NPAS3: variants seen among roughly 807,000 people sequenced by gnomAD.
The protein encoded by NPAS3 is neuronal PAS domain protein 3.
Under a neutral mutation model 73.1 loss-of-function variants are expected in NPAS3, and 14 were observed. That is an observed-to-expected ratio of 0.19 (90% CI 0.13 to 0.30). The LOEUF (loss-of-function observed/expected upper bound fraction) is 0.30. Among genes scored for constraint, NPAS3 ranks in the 10% least tolerant of loss-of-function variants. NPAS3 has a pLI of 1.00. For synonymous variants in NPAS3, 620 were observed against 541.5 expected (o/e 1.14, Z -2.01); for missense variants, 1,096 against 1,250.0 (o/e 0.88, Z 1.86).
intron 9 of NPAS3, among the ~76,000 whole-genome samples, chr14:33,790,206 C>A (rs2063316523): frequency 6.6e-6 from 1 of 152,220 alleles, no homozygotes; most frequent in South Asian, 2.1e-4. Context: ...GGACAATTAA[C>A]TCTTTTTAAG....
chr14:33,197,237 C>CTGGGTGTGTG (rs2046391095), intron 2 of NPAS3, among the ~76,000 whole-genome samples: 1 of 135,214 alleles, frequency 7.4e-6, no homozygotes, highest in Non-Finnish European at 1.6e-5. Context: ...CTCCAGCAGG[C>CTGGGTGTGTG]TGTGTGTGTG....
At chr14:33,651,845 A>G (rs1453038001) in intron 5 of NPAS3, among the ~76,000 whole-genome samples, 34 of 152,158 alleles carry the variant, frequency 2.2e-4, no homozygotes, top group Admixed American at 2.2e-3. Context: ...TTTCCTAGAA[A>G]TAACATTTCT....
At chr14:33,098,047 T>A (rs181673563) in intron 2 of NPAS3, among the ~76,000 whole-genome samples, 90 of 152,330 alleles carry the variant, frequency 5.9e-4, no homozygotes, top group African/African-American at 2.1e-3. Flanking sequence ...TAGAAATTTG[T>A]GTCCTATTTA....
At position 33,618,612 on chromosome 14, in the gene NPAS3, G is replaced by A. The variant is rs368563337; in HGVS notation, c.559-57599G>A. 9.8e-5 allele frequency among the ~76,000 whole-genome samples: 15 copies of A among 152,290 alleles called. No individual in the cohort carries two copies. In the East Asian group the frequency reaches 1.7e-3, roughly 18 times the overall value. On this transcript the variant is annotated intron_variant, in intron 5 of 11. Coordinates refer to ENST00000356141, the Ensembl canonical transcript of NPAS3. ...CTGCTCACTTCCTGCTGTGTGGTCC[G>A]ATTCCTAACAGGCCACGGTTGGTAC...
At chr14:33,170,398 G>A (rs766059273) in intron 2 of NPAS3, among the ~76,000 whole-genome samples, 14 of 152,170 alleles carry the variant, frequency 9.2e-5, no homozygotes, top group African/African-American at 2.4e-5. Flanking sequence ...CTTCATGTTG[G>A]TGGCTGCTGG....
At chr14:33,691,804 C>T (rs2060243244) in intron 6 of NPAS3, among the ~76,000 whole-genome samples, 1 of 152,158 alleles carries the variant, frequency 6.6e-6, no homozygotes, top group Non-Finnish European at 1.5e-5. Context: ...TTGAATGCTT[C>T]CCTCAACCCC....
At chr14:33,468,346 G>T (rs891096442) in intron 4 of NPAS3, among the ~76,000 whole-genome samples, 2 of 152,324 alleles carry the variant, frequency 1.3e-5, no homozygotes, top group South Asian at 4.1e-4. Flanking sequence ...TAGAAAATAT[G>T]AAGGCCAAGC....
chr14:33,078,932 A>G (rs941909537), intron 2 of NPAS3, among the ~76,000 whole-genome samples: 3 of 152,270 alleles, frequency 2.0e-5, no homozygotes, highest in African/African-American at 7.2e-5. Context: ...ATATCAGAAA[A>G]TAATTGAGAA....
chr14:33,680,575 T>G (rs1198981546), intron 6 of NPAS3: 1 of 702,492 alleles, frequency 1.4e-6, no homozygotes, highest in Admixed American at 2.0e-5. Flanking sequence ...CATGTTTCTC[T>G]AAGATAAAAT....
chr14:33,775,670 G>A (rs1262462592), intron 8 of NPAS3, among the ~76,000 whole-genome samples: 1 of 152,140 alleles, frequency 6.6e-6, no homozygotes, highest in African/African-American at 2.4e-5. Flanking sequence ...ACCTGTTGCT[G>A]TTATTTGATA....
chr14:33,215,029 ATTTTC>A (rs2047168735), intron 2 of NPAS3, 148 bp from the exon 3 acceptor site: 2 of 754,638 alleles, frequency 2.7e-6, no homozygotes, highest in Non-Finnish European at 4.3e-6. Flanking sequence ...TTTAGTGGAC[ATTTTC>A]TGGAACTCAT....
chr14:33,162,259 A>C (rs906798308), intron 2 of NPAS3, among the ~76,000 whole-genome samples: 1 of 152,206 alleles, frequency 6.6e-6, no homozygotes, highest in African/African-American at 2.4e-5. Flanking sequence ...ATGCATCCAT[A>C]TCTACATTCA....
At chr14:33,159,386 T>A (rs17100279) in intron 2 of NPAS3, among the ~76,000 whole-genome samples, 9,256 of 152,094 alleles carry the variant, frequency 0.061, 289 homozygotes, top group South Asian at 0.086. Flanking sequence ...CCAATGAACC[T>A]ACAACCCCCA....
At chr14:33,249,448 T>C (rs184198972) in intron 3 of NPAS3, among the ~76,000 whole-genome samples, 2 of 151,928 alleles carry the variant, frequency 1.3e-5, no homozygotes, top group Admixed American at 6.6e-5. Flanking sequence ...CCATATTTAT[T>C]CATTAGAATT....
chr14:33,084,267 A>G (rs1381665177), intron 2 of NPAS3, among the ~76,000 whole-genome samples: 2 of 152,232 alleles, frequency 1.3e-5, no homozygotes, highest in Non-Finnish European at 1.5e-5. Flanking sequence ...CATGAAGTAC[A>G]TAGCTATGAG....
intron 6 of NPAS3, among the ~76,000 whole-genome samples, chr14:33,697,970 A>T (rs1050285354): frequency 6.6e-6 from 1 of 152,228 alleles, no homozygotes; most frequent in Non-Finnish European, 1.5e-5. Flanking sequence ...AGAATTCTTT[A>T]TATTCTTACT....
At chr14:33,307,296 T>G (rs1055001683) in intron 3 of NPAS3, among the ~76,000 whole-genome samples, 1 of 152,172 alleles carries the variant, frequency 6.6e-6, no homozygotes, top group African/African-American at 2.4e-5. Flanking sequence ...GCCAGAGAAT[T>G]TACATATGTG....
chr14:33,503,997 A>G (rs2052642432), intron 4 of NPAS3, among the ~76,000 whole-genome samples: 1 of 151,998 alleles, frequency 6.6e-6, no homozygotes, highest in Non-Finnish European at 1.5e-5. Flanking sequence ...TTATCTAGAC[A>G]TTATTCCAAG....
chr14:33,291,295 G>A (rs746755663), intron 3 of NPAS3, among the ~76,000 whole-genome samples: 6 of 152,062 alleles, frequency 3.9e-5, no homozygotes, highest in South Asian at 2.1e-4. Flanking sequence ...ATAGGTGGCC[G>A]TGCCTAACTT....
Sources: allele counts gnomAD v4.1 joint callset (sites outside exome capture counted in the v4.1 genomes callset), GRCh38; gene constraint gnomAD v4.1.1; transcripts MANE v1.5; gene names NCBI Gene and HGNC (gene_info 2026-07-23, HGNC 2026-07-21).